The following ANO3 variants were observed in gnomAD, a reference collection of about 807,000 sequenced individuals.
The protein encoded by ANO3 is anoctamin 3, also known as anoctamin-3.
A neutral mutation model predicts 144.8 loss-of-function variants in ANO3; 99 were observed. The ratio of observed to expected loss-of-function variants is 0.68; its 90% CI spans 0.58 to 0.81. ANO3 has a LOEUF of 0.81. Ranked by LOEUF, ANO3 falls within the 30% of genes least tolerant of loss-of-function variation. The pLI is 0.00. For synonymous variants in ANO3, 414 were observed against 392.6 expected (o/e 1.05, Z -0.64); for missense variants, 905 against 1,202.2 (o/e 0.75, Z 3.66).
intron 1 of ANO3, among the ~76,000 whole-genome samples, chr11:26,203,919 A>T (rs1851746326): frequency 6.6e-6 from 1 of 152,130 alleles, no homozygotes; most frequent in African/African-American, 2.4e-5. Context: ...TGACCTGGTT[A>T]TTCACCATTT....
At chr11:26,337,165 A>C (rs1855215498) in intron 1 of ANO3, among the ~76,000 whole-genome samples, 1 of 152,320 alleles carries the variant, frequency 6.6e-6, no homozygotes, top group East Asian at 1.9e-4. Context: ...ACCCGAAAAA[A>C]AACACAAGTG....
At chr11:26,223,351 G>T (rs1244022304) in intron 1 of ANO3, among the ~76,000 whole-genome samples, 1 of 152,010 alleles carries the variant, frequency 6.6e-6, no homozygotes, top group Non-Finnish European at 1.5e-5. Context: ...TACTCATTTT[G>T]ATCTGAGACC....
intron 1 of ANO3, among the ~76,000 whole-genome samples, chr11:26,368,672 CTG>C (rs1021963116): frequency 1.3e-5 from 2 of 150,206 alleles, no homozygotes; most frequent in Admixed American, 6.7e-5. Context: ...AAGTGTGTGT[CTG>C]TGTGTGTGCG....
Position 26,440,289 on chromosome 11 carries a change from A to G in ANO3, c.47-1629A>G, listed in dbSNP as rs1448782073. ...CTCAGGTAATAATGAACTACCTGAG[A>G]CTGGATAATTTATAAAGAAAAGTAT... is the stretch of plus-strand genomic sequence containing the variant. On this transcript the variant is annotated intron_variant, in intron 1 of 26. Transcript: ENST00000256737. Among the ~76,000 whole-genome samples the G allele has an allele frequency of 6.6e-5, 10 of 152,190 alleles. No homozygotes were observed. The South Asian group carries it at 1.9e-3, about 28-fold the overall frequency.
At position 26,456,155 on chromosome 11, in the gene ANO3, T is replaced by C. The variant is rs376089817; in HGVS notation, c.314-6875T>C. ...AACCTAGGCATTACCATTCAGGACA[T>C]AGGCATGGGCAAGGACTTCATGTCT... On this transcript the variant is annotated intron_variant, in intron 3 of 26. Transcript: ENST00000256737. Among the ~76,000 whole-genome samples, 201 of 152,266 alleles carry C rather than the reference T, an allele frequency of 1.3e-3. 3 individuals carry two copies. In the South Asian group the frequency reaches 0.038, roughly 29 times the overall value.
At chr11:26,217,446 G>T (rs5790563) in intron 1 of ANO3, among the ~76,000 whole-genome samples, 35,658 of 137,050 alleles carry the variant, frequency 0.26, 4,818 homozygotes, top group Non-Finnish European at 0.32. Flanking sequence ...CCTTTGTCAT[G>T]TAATGTGATT....
At chr11:26,626,415 T>C (rs1044887835) in intron 18 of ANO3, among the ~76,000 whole-genome samples, 1 of 152,284 alleles carries the variant, frequency 6.6e-6, no homozygotes, top group East Asian at 1.9e-4. Context: ...CTAGAACAAA[T>C]ATTTCAAGTA....
rs1850611469 is a variant in ANO3 at position 26,566,923 on chromosome 11, C to CT, written c.1447+7145dup. 4 of 805,890 alleles carry CT rather than the reference C, an allele frequency of 5.0e-6. No individual in the cohort carries two copies. In the South Asian group the frequency reaches 1.8e-4, roughly 35 times the overall value. The allele number at this position is 805,890 out of a possible 1,614,324, so 49.9% of individuals were successfully genotyped here. A position where few individuals can be genotyped will look rare whatever the true frequency, so the allele number is the denominator to read the frequency against. On this transcript the variant is annotated intron_variant, in intron 14 of 26. Transcript: ENST00000256737. ...ATGGGCTGACTTAGGTAGCAGCACT[C>CT]TAAACAAGATCTAGCCTAAAGTAAA... is the stretch of plus-strand genomic sequence containing the variant.
intron 18 of ANO3, among the ~76,000 whole-genome samples, chr11:26,633,829 A>G (rs1448730537): frequency 1.3e-5 from 2 of 152,118 alleles, no homozygotes; most frequent in African/African-American, 2.4e-5. Context: ...TAATCCTAGC[A>G]TTTTGGGAGG....
chr11:26,440,714 T>C (rs1206752916), intron 1 of ANO3, among the ~76,000 whole-genome samples: 1 of 151,928 alleles, frequency 6.6e-6, no homozygotes, highest in Admixed American at 6.6e-5. Flanking sequence ...CAGTGCCAGG[T>C]TTGGGTAAAA....
At chr11:26,326,099 T>G (rs573507808) in intron 1 of ANO3, among the ~76,000 whole-genome samples, 1 of 152,326 alleles carries the variant, frequency 6.6e-6, no homozygotes, top group African/African-American at 2.4e-5. Context: ...TGGATTAAAA[T>G]GGCATATAAA....
chr11:26,377,786 A>G (rs897937168), intron 1 of ANO3, among the ~76,000 whole-genome samples: 2 of 152,130 alleles, frequency 1.3e-5, no homozygotes, highest in African/African-American at 4.8e-5. Context: ...AGAAAGAGAA[A>G]TGATTACCTA....
rs71480135 is a variant in ANO3, at chr11:26,635,398, G to A, written c.2043+328G>A. On this transcript the variant is annotated intron_variant, in intron 20 of 26. Transcript: ENST00000256737. ...ATTTTCAAACTTTTAAATATGTTAG[G>A]TTTCCTTTTAGTCCAAAAGACATCA... Among the ~76,000 whole-genome samples the A allele has an allele frequency of 8.2e-4, 124 of 151,404 alleles. 1 individual carries two copies. The highest frequency in any genetic ancestry group is 1.2e-3 in the Non-Finnish European group (84 of 67,862).
At chr11:26,255,060 C>T (rs1429079370) in intron 1 of ANO3, among the ~76,000 whole-genome samples, 1 of 152,112 alleles carries the variant, frequency 6.6e-6, no homozygotes. Context: ...ATATGTTCAG[C>T]CTTGTTGTTT....
At chr11:26,486,452 A>C (rs1345404136) in intron 4 of ANO3, among the ~76,000 whole-genome samples, 1 of 151,860 alleles carries the variant, frequency 6.6e-6, no homozygotes, top group African/African-American at 2.4e-5. Context: ...GGCTATAGCC[A>C]TGTTTGAGTT....
intron 1 of ANO3, among the ~76,000 whole-genome samples, chr11:26,323,850 A>AC (rs544926116): frequency 2.8e-3 from 425 of 152,206 alleles, no homozygotes; most frequent in Non-Finnish European, 3.5e-3. Context: ...TGATAATAAT[A>AC]CCCTTTGTGA....
chr11:26,420,967 G>A (rs1414314252), intron 1 of ANO3, among the ~76,000 whole-genome samples: 3 of 152,018 alleles, frequency 2.0e-5, no homozygotes, highest in Admixed American at 2.0e-4. Context: ...GTGTTATATT[G>A]CAAAGAGCAG....
chr11:26,629,242 C>T (rs1399931530), intron 18 of ANO3, among the ~76,000 whole-genome samples: 2 of 152,068 alleles, frequency 1.3e-5, no homozygotes, highest in African/African-American at 4.8e-5. Flanking sequence ...AACCTTACTA[C>T]CATTTAGAAT....
chr11:26,361,847 G>C (rs969313057), intron 1 of ANO3, among the ~76,000 whole-genome samples: 2 of 152,046 alleles, frequency 1.3e-5, no homozygotes, highest in Non-Finnish European at 2.9e-5. Context: ...CCTGTGGGTG[G>C]TAAACCCTGT....
Sources: gnomAD v4.1 joint callset for allele counts (sites outside exome capture counted in the v4.1 genomes callset) on GRCh38, gnomAD v4.1.1 for gene constraint, MANE v1.5 for transcripts, NCBI Gene and HGNC (gene_info 2026-07-23, HGNC 2026-07-21) for gene names.